TEAD1: variants seen among roughly 807,000 people sequenced by gnomAD.
TEAD1 encodes transcriptional enhancer factor TEF-1.
In TEAD1, 9 loss-of-function variants were observed where a neutral mutation model predicts 54.9. That is an observed-to-expected ratio of 0.16 (90% CI 0.10 to 0.29). TEAD1 has a LOEUF of 0.29. TEAD1 is among the 10% of genes least tolerant of loss of function. TEAD1 has a pLI of 1.00. For synonymous variants in TEAD1, 200 were observed against 187.8 expected, an observed-to-expected ratio of 1.07 and a Z score of -0.53; for missense variants, 387 against 535.9, an observed-to-expected ratio of 0.72 and a Z score of 2.74.
chr11:12,936,251 A>C (rs1176390720), intron 12 of TEAD1, among the ~76,000 whole-genome samples: 3 of 152,152 alleles, frequency 2.0e-5, no homozygotes, highest in African/African-American at 7.2e-5. Context: ...GTGTGGAGGG[A>C]GCTGCAATGA....
intron 11 of TEAD1, among the ~76,000 whole-genome samples, chr11:12,927,296 A>G (rs1251794132): frequency 6.6e-6 from 1 of 152,218 alleles, no homozygotes; most frequent in Non-Finnish European, 1.5e-5. Flanking sequence ...TATCAAAACC[A>G]CTTATGAAAT....
chr11:12,905,540 A>G (rs1387464074), intron 10 of TEAD1, among the ~76,000 whole-genome samples: 1 of 152,224 alleles, frequency 6.6e-6, no homozygotes, highest in Admixed American at 6.5e-5. Context: ...TCGGTTTGCA[A>G]TTTGAAATGT....
intron 10 of TEAD1, among the ~76,000 whole-genome samples, chr11:12,916,899 G>A (rs990106309): frequency 2.0e-5 from 3 of 152,160 alleles, no homozygotes; most frequent in Non-Finnish European, 4.4e-5. Context: ...GGAAAGGAGA[G>A]AAAACTGCAG....
At chr11:12,891,888 T>C (rs755645909) in intron 9 of TEAD1, among the ~76,000 whole-genome samples, 2 of 152,196 alleles carry the variant, frequency 1.3e-5, no homozygotes, top group Non-Finnish European at 2.9e-5. Flanking sequence ...GGCTTGGTGA[T>C]GGCAGCCCCT....
intron 3 of TEAD1, among the ~76,000 whole-genome samples, chr11:12,813,034 A>G (rs1001631778): frequency 6.6e-6 from 1 of 152,210 alleles, no homozygotes; most frequent in Non-Finnish European, 1.5e-5. Flanking sequence ...TGGTGTCCAG[A>G]TGCTCCTAGT....
At chr11:12,913,840 GTTA>G (rs1288698761) in intron 10 of TEAD1, among the ~76,000 whole-genome samples, 1 of 152,192 alleles carries the variant, frequency 6.6e-6, no homozygotes, top group Non-Finnish European at 1.5e-5. Context: ...GCTTGGGGTT[GTTA>G]TTGTTGTTCT....
intron 3 of TEAD1, chr11:12,822,300 T>C (rs1336452593): frequency 6.6e-6 from 1 of 152,226 alleles, no homozygotes; most frequent in Admixed American, 6.5e-5. Context: ...ATTTCTCAAA[T>C]ACTGGTCCTC....
intron 2 of TEAD1, among the ~76,000 whole-genome samples, chr11:12,682,870 C>T (rs562347795): frequency 2.0e-5 from 3 of 152,258 alleles, no homozygotes; most frequent in East Asian, 3.9e-4. Flanking sequence ...TCGTGAGTTC[C>T]AAGGTAACAC....
chr11:12,840,888 T>G (rs1204029812), intron 3 of TEAD1, among the ~76,000 whole-genome samples: 1 of 152,180 alleles, frequency 6.6e-6, no homozygotes, highest in Non-Finnish European at 1.5e-5. Context: ...TAGGGAGAGT[T>G]GTACTGGAAA....
chr11:12,793,612 G>T lies in TEAD1; in HGVS notation c.202+29178G>T, dbSNP rs1275522782. ...GACATTGACTGTTTTCACTTTTGTT[G>T]CAGATACCTCAAGTTTGGCATTCCA... On this transcript the variant is annotated intron_variant, in intron 3 of 12. Coordinates refer to ENST00000527636, the MANE Select transcript of TEAD1 (RefSeq NM_021961.6). Among the ~76,000 whole-genome samples the T allele has an allele frequency of 3.3e-5, 5 of 152,180 alleles. No homozygotes were observed. In the East Asian group the frequency reaches 7.7e-4, roughly 23 times the overall value.
intron 2 of TEAD1, among the ~76,000 whole-genome samples, chr11:12,712,058 C>G (rs1469758727): frequency 6.6e-6 from 1 of 152,180 alleles, no homozygotes; most frequent in Non-Finnish European, 1.5e-5. Context: ...TTTCTGGGCC[C>G]ACTTGGATAA....
intron 3 of TEAD1, among the ~76,000 whole-genome samples, chr11:12,774,788 G>T (rs1457254844): frequency 6.6e-6 from 1 of 152,006 alleles, no homozygotes; most frequent in South Asian, 2.1e-4. Context: ...ACCAAATATC[G>T]CATGTTCTCA....
At position 12,751,570 on chromosome 11, in the gene TEAD1, C is replaced by A. The variant is rs537261207; in HGVS notation, c.-54-12609C>A. On this transcript the variant is annotated intron_variant, in intron 2 of 12. Transcript: ENST00000527636. ...TTGTTGAGGACAGGGAATGTGGTAT[C>A]TTTATCTCCATATCCAGTGCTTGGG... 3.3e-5 allele frequency among the ~76,000 whole-genome samples: 5 copies of A among 152,222 alleles called. No homozygotes were observed. The South Asian group carries it at 8.3e-4, about 25-fold the overall frequency.
chr11:12,870,045 A>G (rs762626629), intron 5 of TEAD1, among the ~76,000 whole-genome samples: 7 of 151,842 alleles, frequency 4.6e-5, no homozygotes, highest in Non-Finnish European at 1.0e-4. Flanking sequence ...ACACTCAGCT[A>G]ATTTTTGTAT....
intron 2 of TEAD1, among the ~76,000 whole-genome samples, chr11:12,680,788 C>T (rs918231605): frequency 1.2e-4 from 18 of 152,176 alleles, no homozygotes; most frequent in Non-Finnish European, 2.2e-4. Context: ...CCCCACATGC[C>T]GCCGCTGCTG....
chr11:12,688,872 C>T (rs1012971277), intron 2 of TEAD1, among the ~76,000 whole-genome samples: 1 of 152,178 alleles, frequency 6.6e-6, no homozygotes, highest in African/African-American at 2.4e-5. Flanking sequence ...AGTTCAGGGT[C>T]CTGAGGTTTT....
chr11:12,894,446 GC>G (rs1465500717), intron 9 of TEAD1, among the ~76,000 whole-genome samples: 2 of 152,072 alleles, frequency 1.3e-5, no homozygotes, highest in Non-Finnish European at 2.9e-5. Context: ...AGAGAAAAAA[GC>G]CCCAGTGACC....
At chr11:12,682,737 A>G (rs1185383372) in intron 2 of TEAD1, among the ~76,000 whole-genome samples, 4 of 152,160 alleles carry the variant, frequency 2.6e-5, no homozygotes, top group Non-Finnish European at 5.9e-5. Context: ...TAATTAGGAA[A>G]AGGTGGCTAA....
chr11:12,831,265 C>G (rs1946774434), intron 3 of TEAD1, among the ~76,000 whole-genome samples: 1 of 152,098 alleles, frequency 6.6e-6, no homozygotes, highest in East Asian at 1.9e-4. Flanking sequence ...TTGTTTCTTC[C>G]ATGAATTCTT....
Sources: allele counts gnomAD v4.1 joint callset (sites outside exome capture counted in the v4.1 genomes callset), GRCh38; gene constraint gnomAD v4.1.1; transcripts MANE v1.5; gene names NCBI Gene and HGNC (gene_info 2026-07-23, HGNC 2026-07-21).